The following SYT16 variants were observed in gnomAD, a reference collection of about 807,000 sequenced individuals.
The protein encoded by SYT16 is synaptotagmin-16.
A neutral mutation model predicts 61.4 loss-of-function variants in SYT16; 42 were observed. That is an observed-to-expected ratio of 0.68 (90% CI 0.53 to 0.89). The LOEUF is 0.89. Ranked by LOEUF, SYT16 falls within the 40% of genes least tolerant of loss-of-function variation. SYT16 has a pLI of 0.00. For missense variants in SYT16, 804 were observed against 807.3 expected (o/e 1.00, Z 0.05); for synonymous variants, 314 against 302.3 (o/e 1.04, Z -0.40).
intron 1 of SYT16, among the ~76,000 whole-genome samples, chr14:61,875,499 T>G (rs55894019): frequency 0.025 from 3,748 of 152,290 alleles, 156 homozygotes; most frequent in African/African-American, 0.08. Flanking sequence ...CATTAAAATT[T>G]TTTTTCTCAT....
At chr14:62,062,788 T>G (rs2055883004) in intron 3 of SYT16, among the ~76,000 whole-genome samples, 1 of 152,104 alleles carries the variant, frequency 6.6e-6, no homozygotes, top group African/African-American at 2.4e-5. Context: ...GAAATTGCAG[T>G]TGAAAGTAGC....
At chr14:61,853,467 T>C (rs988832107) in intron 1 of SYT16, among the ~76,000 whole-genome samples, 2 of 152,194 alleles carry the variant, frequency 1.3e-5, no homozygotes, top group African/African-American at 4.8e-5. Context: ...GATAAGGTCA[T>C]GAGGGCAGAA....
intron 1 of SYT16, among the ~76,000 whole-genome samples, chr14:61,841,592 G>T (rs942768466): frequency 6.6e-6 from 1 of 152,108 alleles, no homozygotes; most frequent in Admixed American, 6.5e-5. Context: ...TAATGGTGGG[G>T]GTTGGGCTTC....
chr14:61,910,896 C>T (rs1185387430), intron 1 of SYT16, among the ~76,000 whole-genome samples: 9 of 152,210 alleles, frequency 5.9e-5, no homozygotes, highest in African/African-American at 9.6e-5. Context: ...ATAAACCTCC[C>T]TGCAGGGTAT....
intron 1 of SYT16, among the ~76,000 whole-genome samples, chr14:61,879,688 G>T (rs544105916): frequency 2.0e-5 from 3 of 152,228 alleles, no homozygotes; most frequent in East Asian, 3.9e-4. Context: ...CATTTTCATT[G>T]TCTATGATCC....
chr14:62,044,316 G>T (rs1245858920), intron 3 of SYT16, among the ~76,000 whole-genome samples: 4 of 152,060 alleles, frequency 2.6e-5, no homozygotes, highest in Non-Finnish European at 5.9e-5. Flanking sequence ...TAATTTCTGG[G>T]ATACATGTGC....
intron 3 of SYT16, among the ~76,000 whole-genome samples, chr14:62,062,438 G>C (rs1309466755): frequency 6.6e-6 from 1 of 152,100 alleles, no homozygotes; most frequent in African/African-American, 2.4e-5. Context: ...GATTGAAAAG[G>C]GTGCAGAGCC....
At chr14:61,862,922 T>A (rs1169701080) in intron 1 of SYT16, among the ~76,000 whole-genome samples, 1 of 152,214 alleles carries the variant, frequency 6.6e-6, no homozygotes, top group East Asian at 1.9e-4. Context: ...GCATTTAAAT[T>A]TCCTCCATGG....
rs564206563 is a variant in SYT16 at position 61,836,257 on chromosome 14, G to C, written c.-325+23447G>C. Among the ~76,000 whole-genome samples the C allele has an allele frequency of 5.9e-5, 9 of 152,210 alleles. 1 individual carries two copies. The South Asian group carries it at 1.9e-3, about 32-fold the overall frequency. On this transcript the variant is annotated intron_variant, in intron 1 of 7. Transcript: ENST00000683842. ...TTCTCATGGTACCTTCCACCTCTTT[G>C]TGCCTGCACCTGCGTGTGTTTATTG...
At position 62,079,203 on chromosome 14, in the gene SYT16, A is replaced by G. The variant is rs1050097601; in HGVS notation, c.994-1631A>G. On this transcript the variant is annotated intron_variant, in intron 5 of 7. Transcript: ENST00000683842. ...TATATACACTAGTCAGTTGTATTCAAAAGTCTCTATAGCAACCACTTTTAT... is the reference window on the plus strand; with the variant it reads ...TATATACACTAGTCAGTTGTATTCAGAAGTCTCTATAGCAACCACTTTTAT... The G allele has an allele frequency of 6.8e-5, 18 of 264,416 alleles. No individual in the cohort carries two copies. In the East Asian group the frequency reaches 1.7e-3, roughly 25 times the overall value. 16.4% of individuals were successfully genotyped at this position (264,416 alleles called of 1,614,324 possible).
At chr14:61,926,604 A>G (rs2140416601) in intron 1 of SYT16, among the ~76,000 whole-genome samples, 1 of 152,306 alleles carries the variant, frequency 6.6e-6, no homozygotes, top group Non-Finnish European at 1.5e-5. Flanking sequence ...TGAAAGAGAT[A>G]CTGCTTTTCT....
chr14:62,036,746 A>G (rs2054524015), intron 3 of SYT16, among the ~76,000 whole-genome samples: 1 of 152,130 alleles, frequency 6.6e-6, no homozygotes, highest in African/African-American at 2.4e-5. Flanking sequence ...TGAGAAAAGC[A>G]CGGGAAAAAC....
At chr14:61,845,601 TAAAGG>T (rs1278040984) in intron 1 of SYT16, among the ~76,000 whole-genome samples, 3 of 152,226 alleles carry the variant, frequency 2.0e-5, no homozygotes, top group African/African-American at 7.2e-5. Context: ...TTAGTCTGGC[TAAAGG>T]TTTCTGAATT....
intron 3 of SYT16, among the ~76,000 whole-genome samples, chr14:61,999,496 T>C (rs2052906616): frequency 1.3e-5 from 2 of 151,822 alleles, no homozygotes; most frequent in South Asian, 4.1e-4. Context: ...TTTTTTGTTG[T>C]TGATCTGTCT....
At chr14:61,867,951 A>G (rs2047211223) in intron 1 of SYT16, among the ~76,000 whole-genome samples, 1 of 152,090 alleles carries the variant, frequency 6.6e-6, no homozygotes, top group Non-Finnish European at 1.5e-5. Context: ...GTCTGTTAAT[A>G]TGTTGAATTA....
At chr14:61,993,120 GC>G (rs1181188777) in intron 2 of SYT16, among the ~76,000 whole-genome samples, 2 of 152,130 alleles carry the variant, frequency 1.3e-5, no homozygotes, top group Non-Finnish European at 2.9e-5. Flanking sequence ...ACAAGAAGAT[GC>G]TGGCTCAAAT....
rs1366175795 is a variant in SYT16, at chr14:61,943,624, A to T, written c.-324-26508A>T. ...ATCGATCACATAAACAGAACTAGTG[A>T]CAAAAACCACATGATTATCTCAATA... is the stretch of plus-strand genomic sequence containing the variant. On this transcript the variant is annotated intron_variant, in intron 1 of 7. Transcript: ENST00000683842. 2.6e-5 allele frequency among the ~76,000 whole-genome samples: 4 copies of T among 152,338 alleles called. No individual in the cohort carries two copies. The South Asian group carries it at 8.3e-4, about 32-fold the overall frequency.
chr14:61,954,306 G>A (rs1158439938), intron 1 of SYT16, among the ~76,000 whole-genome samples: 1 of 132,562 alleles, frequency 7.5e-6, no homozygotes, highest in African/African-American at 2.9e-5. Context: ...CAATTGGTTA[G>A]CCTTTTTTTT....
At chr14:61,833,297 T>TTC (rs1302521930) in intron 1 of SYT16, among the ~76,000 whole-genome samples, 6 of 146,264 alleles carry the variant, frequency 4.1e-5, no homozygotes, top group African/African-American at 1.5e-4. Context: ...TTTCTTTTCT[T>TTC]TTTTTTTTTT....
Sources: gnomAD v4.1 joint callset for allele counts (sites outside exome capture counted in the v4.1 genomes callset) on GRCh38, gnomAD v4.1.1 for gene constraint, MANE v1.5 for transcripts, NCBI Gene and HGNC (gene_info 2026-07-23, HGNC 2026-07-21) for gene names.